The following EPHA6 variants were observed in gnomAD, a reference collection of about 807,000 sequenced individuals.
The protein encoded by EPHA6 is EPH receptor A6.
A neutral mutation model predicts 112.0 loss-of-function variants in EPHA6; 50 were observed. That is an observed-to-expected ratio of 0.45 (90% CI 0.36 to 0.56). The LOEUF (loss-of-function observed/expected upper bound fraction) is 0.56. Ranked by LOEUF, EPHA6 falls within the 20% of genes least tolerant of loss-of-function variation. The pLI, the probability that EPHA6 is intolerant of heterozygous loss-of-function variation, is 0.00. For synonymous variants in EPHA6, 529 were observed against 490.7 expected (o/e 1.08, Z -1.03); for missense variants, 1,280 against 1,417.4 (o/e 0.90, Z 1.56).
chr3:97,328,008 T>TCACACAC (rs2082548940), intron 5 of EPHA6, among the ~76,000 whole-genome samples: 1 of 135,688 alleles, frequency 7.4e-6, no homozygotes, highest in African/African-American at 3.1e-5. Context: ...TATGTATATG[T>TCACACAC]ATATGTGTAT....
At chr3:96,832,159 A>G (rs1202859236) in intron 1 of EPHA6, among the ~76,000 whole-genome samples, 1 of 152,054 alleles carries the variant, frequency 6.6e-6, no homozygotes, top group Non-Finnish European at 1.5e-5. Context: ...ATATCTAATC[A>G]CTTCACTGCT....
intron 11 of EPHA6, among the ~76,000 whole-genome samples, chr3:97,584,253 G>A (rs1441175933): frequency 6.6e-6 from 1 of 152,130 alleles, no homozygotes; most frequent in Non-Finnish European, 1.5e-5. Flanking sequence ...ATCTGGGACT[G>A]AGCATGTCAA....
intron 14 of EPHA6, among the ~76,000 whole-genome samples, chr3:97,705,946 A>G (rs376558489): frequency 3.6e-4 from 55 of 152,314 alleles, no homozygotes; most frequent in African/African-American, 1.3e-3. Flanking sequence ...TCCAAGAGCC[A>G]TCTGCTGTCC....
At chr3:96,839,315 T>C (rs1006944710) in intron 1 of EPHA6, among the ~76,000 whole-genome samples, 6 of 151,904 alleles carry the variant, frequency 3.9e-5, no homozygotes, top group African/African-American at 1.4e-4. Flanking sequence ...GCGTGAACCC[T>C]ATTGTGAACT....
intron 2 of EPHA6, among the ~76,000 whole-genome samples, chr3:96,906,243 C>T (rs1234910614): frequency 1.3e-5 from 2 of 151,996 alleles, no homozygotes; most frequent in Admixed American, 1.3e-4. Flanking sequence ...CTCTCTCTGT[C>T]TCTTTGTTTT....
At chr3:97,655,938 G>A (rs1048816159) in intron 14 of EPHA6, among the ~76,000 whole-genome samples, 44 of 151,776 alleles carry the variant, frequency 2.9e-4, no homozygotes, top group Non-Finnish European at 6.0e-4. Flanking sequence ...CTTAGTCTTT[G>A]GCGATAGATG....
At chr3:97,549,180 A>G (rs2092996905) in intron 11 of EPHA6, among the ~76,000 whole-genome samples, 1 of 152,202 alleles carries the variant, frequency 6.6e-6, no homozygotes, top group Admixed American at 6.5e-5. Flanking sequence ...TGTTTACTAT[A>G]AAACACTATG....
At chr3:97,207,777 T>A (rs1242541746) in intron 3 of EPHA6, among the ~76,000 whole-genome samples, 1 of 152,118 alleles carries the variant, frequency 6.6e-6, no homozygotes, top group Non-Finnish European at 1.5e-5. Flanking sequence ...TGGTTCCAGG[T>A]TTTCCAGTAG....
At chr3:97,068,408 G>T (rs1287512833) in intron 3 of EPHA6, among the ~76,000 whole-genome samples, 1 of 152,056 alleles carries the variant, frequency 6.6e-6, no homozygotes, top group African/African-American at 2.4e-5. Flanking sequence ...TCTGAGATGG[G>T]ACTATGATAA....
At chr3:97,500,100 A>T (rs2092078497) in intron 10 of EPHA6, among the ~76,000 whole-genome samples, 1 of 152,098 alleles carries the variant, frequency 6.6e-6, no homozygotes, top group Non-Finnish European at 1.5e-5. Context: ...TTTAATTTTT[A>T]AATTGTTTTG....
intron 3 of EPHA6, among the ~76,000 whole-genome samples, chr3:97,015,591 A>C (rs1019354989): frequency 3.9e-5 from 6 of 152,236 alleles, no homozygotes; most frequent in Non-Finnish European, 7.3e-5. Flanking sequence ...ATACATGATT[A>C]CTTAAAATAA....
At chr3:97,670,215 C>G (rs2030665484) in intron 14 of EPHA6, among the ~76,000 whole-genome samples, 1 of 152,044 alleles carries the variant, frequency 6.6e-6, no homozygotes, top group African/African-American at 2.4e-5. Context: ...TTCTAAATGT[C>G]CACATAAAAC....
intron 14 of EPHA6, among the ~76,000 whole-genome samples, chr3:97,674,290 T>A (rs1379224318): frequency 6.6e-6 from 1 of 152,212 alleles, no homozygotes; most frequent in African/African-American, 2.4e-5. Flanking sequence ...TGGTTACACC[T>A]GCTCATTTTC....
chr3:97,235,858 G>T (rs1319553965), intron 4 of EPHA6, among the ~76,000 whole-genome samples: 2 of 152,022 alleles, frequency 1.3e-5, no homozygotes, highest in African/African-American at 4.8e-5. Flanking sequence ...TTACATACCT[G>T]CAGGTTTGGG....
chr3:97,230,901 A>G (rs983741753), intron 4 of EPHA6, among the ~76,000 whole-genome samples: 1 of 152,182 alleles, frequency 6.6e-6, no homozygotes, highest in African/African-American at 2.4e-5. Flanking sequence ...CTAGTGACTT[A>G]GTGATCCTTC....
At chr3:97,092,060 T>C (rs2047083068) in intron 3 of EPHA6, among the ~76,000 whole-genome samples, 1 of 151,602 alleles carries the variant, frequency 6.6e-6, no homozygotes, top group Non-Finnish European at 1.5e-5. Context: ...TTGTGTTTTT[T>C]TAAATGCTAT....
chr3:96,970,514 A>G (rs1006788621), intron 2 of EPHA6, among the ~76,000 whole-genome samples: 1 of 152,058 alleles, frequency 6.6e-6, no homozygotes, highest in Non-Finnish European at 1.5e-5. Flanking sequence ...CATGTCATAT[A>G]TAGAATCATT....
At chr3:97,193,633 C>T (rs1026391630) in intron 3 of EPHA6, among the ~76,000 whole-genome samples, 2 of 151,430 alleles carry the variant, frequency 1.3e-5, no homozygotes, top group East Asian at 3.9e-4. Context: ...TTATATCTTT[C>T]TCTTATCTGA....
At chr3:97,532,268 G>A in intron 10 of EPHA6, 90 bp from the exon 11 acceptor site, 1 of 1,156,996 alleles carries the variant, frequency 8.6e-7, no homozygotes, top group Non-Finnish European at 1.2e-6. Context: ...GTCATTATGT[G>A]AAAAAAGTAT....
Sources: gnomAD v4.1 joint callset for allele counts (sites outside exome capture counted in the v4.1 genomes callset) on GRCh38, gnomAD v4.1.1 for gene constraint, MANE v1.5 for transcripts, NCBI Gene and HGNC (gene_info 2026-07-23, HGNC 2026-07-21) for gene names.